The following GRIA1 variants were observed in gnomAD, a reference collection of about 807,000 sequenced individuals.
GRIA1 encodes the protein glutamate receptor 1.
In GRIA1, 31 loss-of-function variants were observed where a neutral mutation model predicts 99.2. That is an observed-to-expected ratio of 0.31 (90% CI 0.23 to 0.42). The LOEUF is 0.42. Among genes scored for constraint, GRIA1 ranks in the 10% least tolerant of loss-of-function variants. GRIA1 has a pLI of 1.00. For missense variants in GRIA1, 782 were observed against 1,157.5 expected (o/e 0.68, Z 4.71); for synonymous variants, 438 against 432.4 (o/e 1.01, Z -0.16).
intron 12 of GRIA1, among the ~76,000 whole-genome samples, chr5:153,764,977 C>A (rs6881075): frequency 6.6e-6 from 1 of 152,080 alleles, no homozygotes; most frequent in African/African-American, 2.4e-5. Context: ...GAACAGCTTA[C>A]GGACAACAGC....
At chr5:153,756,211 G>A (rs1263139751) in intron 11 of GRIA1, among the ~76,000 whole-genome samples, 1 of 152,214 alleles carries the variant, frequency 6.6e-6, no homozygotes, top group East Asian at 1.9e-4. Context: ...CTCTGTGATG[G>A]CCAAGAAGAT....
At chr5:153,781,724 A>G (rs1004664497) in intron 13 of GRIA1, among the ~76,000 whole-genome samples, 1 of 128,706 alleles carries the variant, frequency 7.8e-6, no homozygotes, top group Non-Finnish European at 1.6e-5. Flanking sequence ...GACAACTTGT[A>G]GGTCTCTTTG....
At chr5:153,777,039 G>A (rs1424901456) in intron 13 of GRIA1, among the ~76,000 whole-genome samples, 2 of 152,130 alleles carry the variant, frequency 1.3e-5, no homozygotes, top group South Asian at 2.1e-4. Context: ...GCATTAAGTC[G>A]ATTGCTCTAA....
At chr5:153,771,809 A>T (rs898710) in intron 13 of GRIA1, among the ~76,000 whole-genome samples, 2,735 of 152,338 alleles carry the variant, frequency 0.018, 94 homozygotes, top group African/African-American at 0.062. Flanking sequence ...TAAGCAAGGC[A>T]AAGTTATAAA....
chr5:153,504,971 T>C (rs1308803492), intron 2 of GRIA1, among the ~76,000 whole-genome samples: 1 of 152,132 alleles, frequency 6.6e-6, no homozygotes, highest in Non-Finnish European at 1.5e-5. Context: ...AGATGGTAGG[T>C]TCTCCTAATT....
chr5:153,811,677 A>T lies in GRIA1; in HGVS notation c.*452A>T, dbSNP rs182193230. ...CCTTACTTCTTATCCCCAACTCCCT[A>T]CCCACCCCTCTTCAGTTTTCAGATT... On this transcript the variant is annotated 3_prime_UTR_variant, in exon 16 of 16. Transcript: ENST00000285900. 6.5e-6 allele frequency: 1 copy of T among 155,016 alleles called. No individual in the cohort carries two copies. Among genetic ancestry groups the T allele is most frequent in the East Asian group, 1.9e-4 (1 of 5,256 alleles). 9.6% of individuals were successfully genotyped at this position (155,016 alleles called of 1,614,324 possible).
chr5:153,621,444 A>C (rs1029759700), intron 2 of GRIA1, among the ~76,000 whole-genome samples: 1 of 150,678 alleles, frequency 6.6e-6, no homozygotes, highest in African/African-American at 2.4e-5. Context: ...TTTACAAAAA[A>C]TTTAAAATTG....
chr5:153,509,958 G>C (rs1054266104), intron 2 of GRIA1, among the ~76,000 whole-genome samples: 3 of 152,124 alleles, frequency 2.0e-5, no homozygotes, highest in Non-Finnish European at 4.4e-5. Context: ...CACTCTGGAT[G>C]GGATTTTGTA....
intron 2 of GRIA1, among the ~76,000 whole-genome samples, chr5:153,516,064 C>T (rs930996522): frequency 6.6e-6 from 1 of 151,928 alleles, no homozygotes; most frequent in Non-Finnish European, 1.5e-5. Context: ...ACTAAAAATA[C>T]AAAAAATCAG....
intron 2 of GRIA1, among the ~76,000 whole-genome samples, chr5:153,619,388 C>G (rs1353189136): frequency 6.6e-6 from 1 of 152,118 alleles, no homozygotes; most frequent in Non-Finnish European, 1.5e-5. Context: ...AGATCTTACT[C>G]ATTTTAGAAA....
chr5:153,698,875 T>C lies in GRIA1; in HGVS notation c.1254T>C (p.Pro418=). The part of the protein sequence containing the change: ...TYIVTTILED[P]YVMLKKNANQ... ...CCCCATTTCTCTTCCAGGAAGATCC[T>C]TATGTGATGCTCAAGAAGAACGCCA... The change falls in exon 10 of 16, where the codon CCT becomes CCC. Residue 418 remains proline, a synonymous_variant. Transcript: ENST00000285900. 3 of 1,609,548 alleles carry C rather than the reference T, an allele frequency of 1.9e-6. No individual in the cohort carries two copies. The highest frequency in any genetic ancestry group is 2.6e-6 in the Non-Finnish European group (3 of 1,175,788).
intron 8 of GRIA1, among the ~76,000 whole-genome samples, chr5:153,693,359 T>C (rs550011986): frequency 1.3e-5 from 2 of 152,316 alleles, no homozygotes; most frequent in Non-Finnish European, 2.9e-5. Flanking sequence ...CCAACATCTC[T>C]ACACCATGGA....
At chr5:153,688,537 G>A (rs1723091649) in intron 8 of GRIA1, among the ~76,000 whole-genome samples, 1 of 152,130 alleles carries the variant, frequency 6.6e-6, no homozygotes, top group Non-Finnish European at 1.5e-5. Flanking sequence ...AATGTTACCT[G>A]TGTTAGTGGT....
intron 11 of GRIA1, among the ~76,000 whole-genome samples, chr5:153,748,451 G>T (rs747730621): frequency 6.6e-6 from 1 of 152,196 alleles, no homozygotes; most frequent in Non-Finnish European, 1.5e-5. Flanking sequence ...GAGACAAGAC[G>T]CGGGCTGGCT....
At chr5:153,754,912 C>G (rs1199432836) in intron 11 of GRIA1, among the ~76,000 whole-genome samples, 1 of 152,122 alleles carries the variant, frequency 6.6e-6, no homozygotes, top group Non-Finnish European at 1.5e-5. Context: ...AAACAGATGC[C>G]ATAGTTCTGC....
At chr5:153,670,177 C>T (rs1348283509) in intron 5 of GRIA1, among the ~76,000 whole-genome samples, 1 of 152,164 alleles carries the variant, frequency 6.6e-6, no homozygotes, top group Non-Finnish European at 1.5e-5. Context: ...TTCTTTCTCA[C>T]CGATTTATTA....
At chr5:153,555,031 T>C (rs1760491591) in intron 2 of GRIA1, among the ~76,000 whole-genome samples, 1 of 152,114 alleles carries the variant, frequency 6.6e-6, no homozygotes, top group Non-Finnish European at 1.5e-5. Flanking sequence ...TTCCTTTTGC[T>C]ACCAGGACAT....
chr5:153,757,683 C>T (rs928651424), intron 11 of GRIA1, among the ~76,000 whole-genome samples: 1 of 152,112 alleles, frequency 6.6e-6, no homozygotes, highest in Non-Finnish European at 1.5e-5. Context: ...ACTTGCTAAC[C>T]AATAAGCCTG....
At chr5:153,780,394 C>G (rs922234) in intron 13 of GRIA1, among the ~76,000 whole-genome samples, 62,012 of 152,074 alleles carry the variant, frequency 0.41, 13,928 homozygotes, top group East Asian at 0.92. Context: ...ACCCTGAAGT[C>G]AAGACTGGTA....
Sources: gnomAD v4.1 joint callset for allele counts (sites outside exome capture counted in the v4.1 genomes callset) on GRCh38, gnomAD v4.1.1 for gene constraint, MANE v1.5 for transcripts, NCBI Gene and HGNC (gene_info 2026-07-23, HGNC 2026-07-21) for gene names.